The following STXBP3 variants were observed in gnomAD, a reference collection of about 807,000 sequenced individuals.
STXBP3 encodes syntaxin-binding protein 3.
Under a neutral mutation model 85.7 loss-of-function variants are expected in STXBP3, and 41 were observed. The observed-to-expected ratio is 0.48, with a 90% confidence interval of 0.37 to 0.62. The LOEUF is 0.62. Ranked by LOEUF, STXBP3 falls within the 20% of genes least tolerant of loss-of-function variation. The pLI is 0.00. For missense variants in STXBP3, 563 were observed against 703.1 expected (o/e 0.80, Z 2.25); for synonymous variants, 229 against 231.7 (o/e 0.99, Z 0.10).
intron 6 of STXBP3, among the ~76,000 whole-genome samples, chr1:108,770,752 T>C (rs144764596): frequency 3.4e-4 from 44 of 127,656 alleles, no homozygotes; most frequent in South Asian, 1.5e-3. Flanking sequence ...CGGGGAACTC[T>C]CAATACCATT....
chr1:108,774,864 GT>G (rs970363521), intron 7 of STXBP3, among the ~76,000 whole-genome samples: 2 of 151,744 alleles, frequency 1.3e-5, no homozygotes, highest in Admixed American at 1.3e-4. Context: ...TTGGTGATTG[GT>G]TACGTTCAGG....
At chr1:108,789,181 T>C (rs1662924968) in intron 11 of STXBP3, among the ~76,000 whole-genome samples, 1 of 152,240 alleles carries the variant, frequency 6.6e-6, no homozygotes, top group Non-Finnish European at 1.5e-5. Flanking sequence ...TTTTACTCAG[T>C]TTTATTTCCT....
intron 17 of STXBP3, among the ~76,000 whole-genome samples, chr1:108,805,617 G>A (rs546848174): frequency 3.2e-4 from 48 of 152,186 alleles, no homozygotes; most frequent in Non-Finnish European, 5.9e-4. Context: ...TAGAGAGGGG[G>A]TTTCACCATG....
chr1:108,796,790 C>A, intron 15 of STXBP3, 64 bp downstream of exon 15: 1 of 1,220,458 alleles, frequency 8.2e-7, no homozygotes. Context: ...TATGTATTAA[C>A]TGTTTTTTTT....
In STXBP3 at chr1:108,767,039, C is replaced by G. The variant is rs1031438831; in HGVS notation, c.439-5626C>G. On this transcript the variant is annotated intron_variant, in intron 6 of 18. Coordinates refer to ENST00000370008, the MANE Select transcript of STXBP3 (RefSeq NM_007269.4). ...ACATGTCACCAACCATCACACAGTC[C>G]ACAGGTTGTACTCCAAGGAGATTGC... 4 of 439,480 alleles carry G rather than the reference C, an allele frequency of 9.1e-6. No individual in the cohort carries two copies. The East Asian group carries it at 2.5e-4, about 27-fold the overall frequency. The allele number at this position is 439,480 out of a possible 1,614,324, so 27.2% of individuals were successfully genotyped here.
At chr1:108,760,684 A>C (rs1276417863) in intron 6 of STXBP3, among the ~76,000 whole-genome samples, 1 of 152,180 alleles carries the variant, frequency 6.6e-6, no homozygotes, top group Non-Finnish European at 1.5e-5. Context: ...TTTGAAGATC[A>C]AGAAATCAAA....
At chr1:108,756,080 CAA>C in intron 3 of STXBP3, among the ~76,000 whole-genome samples, 1 of 152,260 alleles carries the variant, frequency 6.6e-6, no homozygotes, top group East Asian at 1.9e-4. Context: ...GTTAATTTGA[CAA>C]AGTTTATTAA....
At chr1:108,766,984 C>T (rs1639325211) in intron 6 of STXBP3, 1 of 512,972 alleles carries the variant, frequency 1.9e-6, no homozygotes, top group Non-Finnish European at 4.0e-6. Context: ...TTCAACCCTG[C>T]TTTGAGACCC....
chr1:108,790,532 T>C (rs1293869753), intron 11 of STXBP3, among the ~76,000 whole-genome samples: 1 of 152,112 alleles, frequency 6.6e-6, no homozygotes, highest in African/African-American at 2.4e-5. Flanking sequence ...CAAAAATCTT[T>C]TAATTAGAAT....
At chr1:108,785,667 C>T (rs1662811830) in intron 11 of STXBP3, among the ~76,000 whole-genome samples, 2 of 152,160 alleles carry the variant, frequency 1.3e-5, no homozygotes, top group African/African-American at 4.8e-5. Flanking sequence ...ATCATATCGT[C>T]AGGCTGCAGA....
At chr1:108,779,513 C>A in intron 9 of STXBP3, 103 bp downstream of exon 9, 1 of 1,231,914 alleles carries the variant, frequency 8.1e-7, no homozygotes. Context: ...GCCCCTATAA[C>A]CTTTTCTATT....
At chr1:108,747,448 C>A (rs983422318) in intron 1 of STXBP3, among the ~76,000 whole-genome samples, 3 of 152,090 alleles carry the variant, frequency 2.0e-5, no homozygotes, top group Admixed American at 6.5e-5. Context: ...CTCGGGGGCC[C>A]CTCCCTGCTG....
intron 1 of STXBP3, among the ~76,000 whole-genome samples, chr1:108,751,669 A>G (rs2101101209): frequency 6.6e-6 from 1 of 152,270 alleles, no homozygotes; most frequent in South Asian, 2.1e-4. Context: ...GTCCACATGA[A>G]TTATTTAATA....
intron 1 of STXBP3, among the ~76,000 whole-genome samples, chr1:108,750,476 C>T (rs1337835243): frequency 6.6e-6 from 1 of 152,154 alleles, no homozygotes; most frequent in Non-Finnish European, 1.5e-5. Flanking sequence ...AATCACAATA[C>T]AACCTTCCAG....
At chr1:108,775,212 C>CA (rs1662561208) in intron 7 of STXBP3, among the ~76,000 whole-genome samples, 2 of 152,070 alleles carry the variant, frequency 1.3e-5, no homozygotes, top group African/African-American at 4.8e-5. Context: ...GAAGCCCTCA[C>CA]AATGAGACCT....
intron 3 of STXBP3, among the ~76,000 whole-genome samples, chr1:108,755,297 A>T (rs530813767): frequency 3.3e-4 from 50 of 152,142 alleles, no homozygotes; most frequent in African/African-American, 8.9e-4. Flanking sequence ...ATCCAAAAAA[A>T]TTAACCAAGC....
chr1:108,762,584 C>T (rs1466413752), intron 6 of STXBP3, among the ~76,000 whole-genome samples: 4 of 152,036 alleles, frequency 2.6e-5, no homozygotes, highest in Non-Finnish European at 5.9e-5. Flanking sequence ...ACATTCCACT[C>T]AGAAGGTAGA....
At chr1:108,765,060 G>T (rs141726069) in intron 6 of STXBP3, among the ~76,000 whole-genome samples, 1 of 152,104 alleles carries the variant, frequency 6.6e-6, no homozygotes, top group Non-Finnish European at 1.5e-5. Context: ...TTTGTATATG[G>T]TGTATGGAAG....
chr1:108,784,973 T>C (rs1662794153), intron 11 of STXBP3, among the ~76,000 whole-genome samples: 1 of 152,222 alleles, frequency 6.6e-6, no homozygotes, highest in South Asian at 2.1e-4. Flanking sequence ...CCCATGGCCC[T>C]AGGCAGCTCT....
Sources: allele counts gnomAD v4.1 joint callset (sites outside exome capture counted in the v4.1 genomes callset), GRCh38; gene constraint gnomAD v4.1.1; transcripts MANE v1.5; gene names NCBI Gene and HGNC (gene_info 2026-07-23, HGNC 2026-07-21).